Variants in YTHDC2 observed in about 807,000 individuals in gnomAD.
YTHDC2 encodes the protein 3'-5' RNA helicase YTHDC2.
In YTHDC2, 45 loss-of-function variants were observed where a neutral mutation model predicts 174.9. The observed-to-expected ratio is 0.26, with a 90% confidence interval of 0.20 to 0.33. The LOEUF is 0.33. YTHDC2 is among the 10% of genes least tolerant of loss of function. The probability of loss-of-function intolerance (pLI) is 1.00; values close to 1 mark genes in which losing one functional copy is unlikely to be tolerated. For missense variants in YTHDC2, 1,650 were observed against 1,723.7 expected, an observed-to-expected ratio of 0.96 and a Z score of 0.76; for synonymous variants, 657 against 574.5, an observed-to-expected ratio of 1.14 and a Z score of -2.05.
At chr5:113,561,959 T>TGGGTGG (rs1189636814) in intron 18 of YTHDC2, among the ~76,000 whole-genome samples, 38 of 71,478 alleles carry the variant, frequency 5.3e-4, no homozygotes, top group African/African-American at 7.5e-4. Flanking sequence ...TAATTGTGGG[T>TGGGTGG]GTGTGTGTGT....
intron 4 of YTHDC2, among the ~76,000 whole-genome samples, chr5:113,530,693 T>A (rs1047338640): frequency 6.6e-6 from 1 of 152,194 alleles, no homozygotes; most frequent in Non-Finnish European, 1.5e-5. Context: ...CCAATTGTTA[T>A]GTGTTAGATC....
At chr5:113,561,235 A>C (rs1377827867) in intron 18 of YTHDC2, 50 bp downstream of exon 18, 3 of 1,453,936 alleles carry the variant, frequency 2.1e-6, no homozygotes, top group Non-Finnish European at 2.8e-6. Flanking sequence ...GAGGGAAGTG[A>C]GGGGCCATTT....
rs1184296886 is a variant in YTHDC2 at position 113,548,795 on chromosome 5, T to C, written c.1622+128T>C. 3 of 1,198,658 alleles carry C rather than the reference T, an allele frequency of 2.5e-6. No homozygotes were observed. In the East Asian group the frequency reaches 8.2e-5, roughly 33 times the overall value. The allele number at this position is 1,198,658 out of a possible 1,614,324, so 74.3% of individuals were successfully genotyped here. A position where few individuals can be genotyped will look rare whatever the true frequency, so the allele number is the denominator to read the frequency against. On this transcript the variant is annotated intron_variant, in intron 11 of 29. Transcript: ENST00000161863. ...AATTGCTGGTGAATTTCTGTTTTAA[T>C]GGGTTAATAATTTTGAATGACTTGT...
intron 23 of YTHDC2, among the ~76,000 whole-genome samples, chr5:113,578,826 T>C (rs1778222340): frequency 1.3e-5 from 2 of 152,182 alleles, no homozygotes; most frequent in African/African-American, 2.4e-5. Flanking sequence ...CTTAAATATA[T>C]TTGTGTTCTT....
chr5:113,514,047 T>A lies in YTHDC2; in HGVS notation c.152T>A (p.Ile51Asn). ...IDEEVKIAVN[I>N]ALERFRYGDQ... ...GAGGAGGTGAAGATCGCAGTCAATA[T>A]CGCGCTGGAGCGCTTCCGATACGGG... The change falls in exon 1 of 30, where the codon ATC becomes AAC. Residue 51 changes from isoleucine (I) to asparagine (N), a missense_variant. Physicochemically the swap from Ile to Asn is moderately radical, Grantham distance 149. Transcript: ENST00000161863. 6.2e-7 allele frequency: 1 copy of A among 1,612,292 alleles called. No individual in the cohort carries two copies. Among genetic ancestry groups the A allele is most frequent in the Non-Finnish European group, 8.5e-7 (1 of 1,179,336 alleles).
chr5:113,548,548 C>T lies in YTHDC2; in HGVS notation c.1503C>T (p.Tyr501=). The change falls in exon 11 of 30, where the codon TAC becomes TAT. Residue 501 remains tyrosine (Y), a synonymous_variant. Coordinates refer to ENST00000161863, the MANE Select transcript of YTHDC2 (RefSeq NM_022828.5). ...LILTENVSVD[Y]RHSETSATAL... ...ATCTTTTCCTTTTTTTAGTTGATTA[C>T]AGACATAGTGAAACCAGTGCAACAG... 6.3e-7 allele frequency: 1 copy of T among 1,593,674 alleles called. No individual in the cohort carries two copies. Among genetic ancestry groups the T allele is most frequent in the Non-Finnish European group, 8.5e-7 (1 of 1,173,656 alleles).
chr5:113,561,277 A>T, intron 18 of YTHDC2, 92 bp downstream of exon 18: 1 of 938,182 alleles, frequency 1.1e-6, no homozygotes, highest in South Asian at 1.9e-5. Flanking sequence ...TTAAAAAATC[A>T]ATTTGTAAAA....
At position 113,548,573 on chromosome 5, in the gene YTHDC2, G is replaced by A. The variant is rs1776039986; in HGVS notation, c.1528G>A (p.Ala510Thr). ...DYRHSETSAT[A>T]LMVAAGRGFA... ...CAGACATAGTGAAACCAGTGCAACA[G>A]CTCTGATGGTTGCTGCAGGACGTGG... is the stretch of plus-strand genomic sequence containing the variant. The change falls in exon 11 of 30, where the codon GCT (alanine) becomes ACT (threonine). Residue 510 changes from alanine (A) to threonine (T), a missense_variant. Ala to Thr is a moderately conservative substitution (Grantham distance 58). This residue lies in a region of YTHDC2 where 411 missense variants were observed against 380.6 expected (regional missense o/e 1.08). Coordinates refer to ENST00000161863, the MANE Select transcript of YTHDC2 (RefSeq NM_022828.5). 4 of 1,612,804 alleles carry A rather than the reference G, an allele frequency of 2.5e-6. No homozygotes were observed. The South Asian group carries it at 3.3e-5, about 13-fold the overall frequency.
In YTHDC2 at chr5:113,535,704, G is replaced by A. The variant is rs1193047256; in HGVS notation, c.1008G>A (p.Leu336=). ...TACTTACAAAGTTAAGAGATTTGTT[G>A]CAAAAGCACCCAACTTTGAAACTAA... is the stretch of plus-strand genomic sequence containing the variant. The part of the protein sequence containing the change: ...DFLLTKLRDL[L]QKHPTLKLIL... The change falls in exon 7 of 30, where the codon TTG becomes TTA. Residue 336 remains leucine (L), a synonymous_variant. Coordinates refer to ENST00000161863, the MANE Select transcript of YTHDC2 (RefSeq NM_022828.5). 6.2e-7 allele frequency: 1 copy of A among 1,613,662 alleles called. No homozygotes were observed. The highest frequency in any genetic ancestry group is 1.7e-5 in the Admixed American group (1 of 59,990).
chr5:113,516,333 G>T (rs1207537497), intron 2 of YTHDC2, among the ~76,000 whole-genome samples: 1 of 152,140 alleles, frequency 6.6e-6, no homozygotes, highest in Non-Finnish European at 1.5e-5. Context: ...TTAAAAAGTG[G>T]TACAGGAGGA....
chr5:113,546,805 A>G (rs763503949), intron 10 of YTHDC2, among the ~76,000 whole-genome samples: 9 of 152,118 alleles, frequency 5.9e-5, no homozygotes, highest in Non-Finnish European at 1.2e-4. Context: ...GGGGCTGGAG[A>G]GTATGCTTTC....
Position 113,513,866 on chromosome 5 carries a change from C to G in YTHDC2, c.-30C>G. ...CTGTCAGCTAGCAGGCCTGGCCGCT[C>G]CCGTGCGGAGAGACCATCTCTTCAG... On this transcript the variant is annotated 5_prime_UTR_variant, in exon 1 of 30. Transcript: ENST00000161863. The G allele has an allele frequency of 1.3e-6, 2 of 1,568,604 alleles. No individual in the cohort carries two copies. Among genetic ancestry groups the G allele is most frequent in the Middle Eastern group, 2.3e-4 (1 of 4,414 alleles).
At chr5:113,546,530 A>G (rs1282441500) in intron 10 of YTHDC2, among the ~76,000 whole-genome samples, 3 of 152,294 alleles carry the variant, frequency 2.0e-5, no homozygotes, top group Admixed American at 6.5e-5. Context: ...GGCTTCATAG[A>G]TTTCTTTTTA....
intron 10 of YTHDC2, among the ~76,000 whole-genome samples, chr5:113,546,645 C>T (rs575011960): frequency 6.6e-6 from 1 of 152,298 alleles, no homozygotes; most frequent in East Asian, 1.9e-4. Flanking sequence ...ACAGATGATT[C>T]TAACACTTAG....
At chr5:113,534,793 T>A (rs1774943165) in intron 6 of YTHDC2, among the ~76,000 whole-genome samples, 1 of 152,136 alleles carries the variant, frequency 6.6e-6, no homozygotes, top group South Asian at 2.1e-4. Flanking sequence ...TATTTCCCAA[T>A]GATAGGGGTA....
At chr5:113,543,270 T>C (rs1335114101) in intron 10 of YTHDC2, among the ~76,000 whole-genome samples, 2 of 152,164 alleles carry the variant, frequency 1.3e-5, no homozygotes, top group Admixed American at 6.5e-5. Flanking sequence ...CTACGTACCT[T>C]CCTCTCAACC....
rs929278544 is a variant in YTHDC2, at chr5:113,591,324, T to G, written c.4029+80T>G. 1.4e-5 allele frequency: 20 copies of G among 1,415,608 alleles called. No individual in the cohort carries two copies. In the African/African-American group the frequency reaches 2.7e-4, roughly 19 times the overall value. 87.7% of individuals were successfully genotyped at this position (1,415,608 alleles called of 1,614,324 possible). A position where few individuals can be genotyped will look rare whatever the true frequency, so the allele number is the denominator to read the frequency against. On this transcript the variant is annotated intron_variant, in intron 27 of 29. Coordinates refer to ENST00000161863, the MANE Select transcript of YTHDC2 (RefSeq NM_022828.5). Reference sequence around the variant, plus strand: ...AGAGATTTTTAGAAAAACAACTGGCTTTTCATTGCATCAGAATGCAAGAAT... The same window carrying G: ...AGAGATTTTTAGAAAAACAACTGGCGTTTCATTGCATCAGAATGCAAGAAT...
At chr5:113,538,883 C>T (rs1775262795) in intron 7 of YTHDC2, among the ~76,000 whole-genome samples, 191 bp from the exon 8 acceptor site, 1 of 152,128 alleles carries the variant, frequency 6.6e-6, no homozygotes, top group Admixed American at 6.5e-5. Context: ...AAAACCCAAG[C>T]ACACAAACAG....
At chr5:113,517,762 TTTC>T (rs547329820) in intron 2 of YTHDC2, among the ~76,000 whole-genome samples, 1 of 152,234 alleles carries the variant, frequency 6.6e-6, no homozygotes, top group South Asian at 2.1e-4. Context: ...TCAAATGCCT[TTTC>T]TTCTTTTCAC....
Sources: allele counts gnomAD v4.1 joint callset (sites outside exome capture counted in the v4.1 genomes callset), GRCh38; gene constraint gnomAD v4.1.1; regional missense constraint gnomAD v4.1.1; transcripts MANE v1.5; gene names NCBI Gene and HGNC (gene_info 2026-07-23, HGNC 2026-07-21).